GMDS: variants seen among roughly 807,000 people sequenced by gnomAD.
GMDS encodes the protein GDP-mannose 4,6-dehydratase, also known as GDP-mannose 4,6 dehydratase.
Under a neutral mutation model 49.9 loss-of-function variants are expected in GMDS, and 20 were observed. The observed-to-expected ratio is 0.40, with a 90% CI of 0.28 to 0.58. The LOEUF (loss-of-function observed/expected upper bound fraction) is 0.58. GMDS is among the 20% of genes least tolerant of loss of function. The pLI is 0.42. For missense variants in GMDS, 362 were observed against 481.4 expected, an observed-to-expected ratio of 0.75 and a Z score of 2.32; for synonymous variants, 177 against 178.6, an observed-to-expected ratio of 0.99 and a Z score of 0.07.
chr6:1,790,409 A>G (rs913731468), intron 7 of GMDS, among the ~76,000 whole-genome samples: 4 of 152,288 alleles, frequency 2.6e-5, no homozygotes, highest in Admixed American at 1.3e-4. Context: ...GCAAAAGTGA[A>G]ATGTAGAGAG....
intron 7 of GMDS, among the ~76,000 whole-genome samples, chr6:1,912,647 G>A (rs771703539): frequency 3.9e-5 from 6 of 152,048 alleles, no homozygotes; most frequent in Admixed American, 2.6e-4. Context: ...TCAACTACCC[G>A]TGGGATGTGC....
intron 7 of GMDS, among the ~76,000 whole-genome samples, chr6:1,804,081 G>T (rs1272545099): frequency 4.6e-5 from 7 of 152,218 alleles, no homozygotes; most frequent in Non-Finnish European, 8.8e-5. Flanking sequence ...CTAAGCATAA[G>T]GTGACTGCTC....
At chr6:1,628,310 T>C (rs1762903775) in intron 9 of GMDS, among the ~76,000 whole-genome samples, 1 of 152,232 alleles carries the variant, frequency 6.6e-6, no homozygotes, top group South Asian at 2.1e-4. Context: ...GTCCCTTTCC[T>C]CAGATCTCTC....
At chr6:2,044,902 T>TGTG (rs1562001938) in intron 4 of GMDS, among the ~76,000 whole-genome samples, 2 of 151,640 alleles carry the variant, frequency 1.3e-5, no homozygotes, top group African/African-American at 4.8e-5. Context: ...GTGTGTGTGT[T>TGTG]TTTTTCAGGC....
At chr6:1,895,459 A>G (rs1371307293) in intron 7 of GMDS, among the ~76,000 whole-genome samples, 1 of 152,190 alleles carries the variant, frequency 6.6e-6, no homozygotes, top group African/African-American at 2.4e-5. Context: ...ACCACATATG[A>G]CCATTTAAGA....
At chr6:2,174,830 A>G (rs1212106746) in intron 1 of GMDS, among the ~76,000 whole-genome samples, 2 of 151,924 alleles carry the variant, frequency 1.3e-5, no homozygotes, top group East Asian at 3.9e-4. Flanking sequence ...TGGCCTCCCA[A>G]AGTGCTAGCA....
rs541014995 is a variant in GMDS, at chr6:2,196,823, C to A, written c.102+48498G>T. Among the ~76,000 whole-genome samples the A allele has an allele frequency of 1.2e-4, 17 of 141,702 alleles. 1 individual carries two copies. In the South Asian group the frequency reaches 3.4e-3, roughly 29 times the overall value. The allele number at this position is 141,702 out of a possible 152,430, so 93.0% of individuals were successfully genotyped here. On this transcript the variant is annotated intron_variant, in intron 1 of 10. Transcript: ENST00000380815. ...TCAAATTAGGGACTCTTGGGGTGATCAAGATTTTTATCAAAGCAGAATGTG... is the reference window on the plus strand; with the variant it reads ...TCAAATTAGGGACTCTTGGGGTGATAAAGATTTTTATCAAAGCAGAATGTG...
intron 7 of GMDS, among the ~76,000 whole-genome samples, chr6:1,916,783 A>C (rs1243953793): frequency 6.6e-6 from 1 of 152,184 alleles, no homozygotes; most frequent in Non-Finnish European, 1.5e-5. Context: ...GTTTTCCCAG[A>C]GGCCCAGGCA....
chr6:2,110,257 A>C (rs1774472716), intron 4 of GMDS, among the ~76,000 whole-genome samples: 1 of 115,016 alleles, frequency 8.7e-6, no homozygotes, highest in Non-Finnish European at 1.7e-5. Context: ...CTCAATTAGA[A>C]CAGCCCCAAG....
chr6:1,726,497 A>T lies in GMDS; in HGVS notation c.906T>A (p.Asn302Lys). 6.2e-7 allele frequency: 1 copy of T among 1,611,756 alleles called. No homozygotes were observed. Among genetic ancestry groups the T allele is most frequent in the Middle Eastern group, 1.7e-4 (1 of 6,056 alleles). The change falls in exon 9 of 11, where the codon AAT becomes AAA. Residue 302 changes from asparagine to lysine, a missense_variant. By Grantham distance (94) the Asn-to-Lys change is moderately conservative. Transcript: ENST00000380815. Reference protein sequence around the residue: ...IGKTIVWEGKNENEVGRCKET... With the variant: ...IGKTIVWEGKKENEVGRCKET... ...CTTTACATCTGCCCACTTCATTTTC[A>T]TTCTTTCCTTCCCACCTGTAAGGAA...
At chr6:1,888,300 A>G (rs1759710535) in intron 7 of GMDS, among the ~76,000 whole-genome samples, 1 of 152,126 alleles carries the variant, frequency 6.6e-6, no homozygotes, top group Non-Finnish European at 1.5e-5. Context: ...CTCACAGTTC[A>G]GCAAGGCTGG....
intron 6 of GMDS, among the ~76,000 whole-genome samples, chr6:1,935,284 A>G (rs1179414551): frequency 6.6e-6 from 1 of 152,200 alleles, no homozygotes; most frequent in Non-Finnish European, 1.5e-5. Flanking sequence ...ATCACTGGGT[A>G]CACTAATGTA....
chr6:2,064,144 T>A (rs1771381230), intron 4 of GMDS, among the ~76,000 whole-genome samples: 1 of 151,880 alleles, frequency 6.6e-6, no homozygotes, highest in East Asian at 1.9e-4. Flanking sequence ...ATACAAAGAG[T>A]AGATCTCATA....
intron 7 of GMDS, among the ~76,000 whole-genome samples, chr6:1,843,299 G>A (rs1472278159): frequency 6.6e-6 from 1 of 152,136 alleles, no homozygotes; most frequent in African/African-American, 2.4e-5. Flanking sequence ...GTCTCAAGCA[G>A]GCAGGCCCAC....
intron 4 of GMDS, among the ~76,000 whole-genome samples, chr6:2,077,110 G>C (rs1214261443): frequency 6.6e-6 from 1 of 151,946 alleles, no homozygotes; most frequent in Non-Finnish European, 1.5e-5. Flanking sequence ...TACTTGTATA[G>C]GAACACTACT....
chr6:1,939,773 G>A (rs150182882), intron 6 of GMDS, among the ~76,000 whole-genome samples: 2 of 152,210 alleles, frequency 1.3e-5, no homozygotes, highest in East Asian at 3.9e-4. Flanking sequence ...TTGCCTTTAA[G>A]ACATGAATAA....
At chr6:2,012,498 T>TAA (rs1335378204) in intron 4 of GMDS, among the ~76,000 whole-genome samples, 2 of 152,152 alleles carry the variant, frequency 1.3e-5, no homozygotes, top group Non-Finnish European at 2.9e-5. Context: ...CTACAAAATA[T>TAA]AAAGAAATTG....
chr6:2,134,126 C>T (rs1163917211), intron 1 of GMDS, among the ~76,000 whole-genome samples: 4 of 152,238 alleles, frequency 2.6e-5, no homozygotes, highest in East Asian at 1.9e-4. Flanking sequence ...TCCAGTGTCA[C>T]TGCCTTGTAG....
At position 1,862,617 on chromosome 6, in the gene GMDS, T is replaced by C. The variant is rs1239072771; in HGVS notation, c.771+67486A>G. On this transcript the variant is annotated intron_variant, in intron 7 of 10. Transcript: ENST00000380815. ...ACAACTTGCTGGAGCTTGTACTGAT[T>C]AGTCTTTGCCAAAGAACCTTTCCCA... Among the ~76,000 whole-genome samples, 3 of 152,246 alleles carry C rather than the reference T, an allele frequency of 2.0e-5. No individual in the cohort carries two copies. In the East Asian group the frequency reaches 5.8e-4, roughly 29 times the overall value.
Sources: allele counts gnomAD v4.1 joint callset (sites outside exome capture counted in the v4.1 genomes callset), GRCh38; gene constraint gnomAD v4.1.1; transcripts MANE v1.5; gene names NCBI Gene and HGNC (gene_info 2026-07-23, HGNC 2026-07-21).